EXOC4: variants seen among roughly 807,000 people sequenced by gnomAD.
EXOC4 encodes SEC8-like 1.
A neutral mutation model predicts 107.2 loss-of-function variants in EXOC4; 71 were observed. The observed-to-expected ratio is 0.66, with a 90% confidence interval of 0.55 to 0.81. The LOEUF (loss-of-function observed/expected upper bound fraction) is 0.81. EXOC4 is among the 30% of genes least tolerant of loss of function. The pLI, the probability that EXOC4 is intolerant of heterozygous loss-of-function variation, is 0.00. For synonymous variants in EXOC4, 456 were observed against 441.2 expected, an observed-to-expected ratio of 1.03 and a Z score of -0.42; for missense variants, 1,108 against 1,189.6, an observed-to-expected ratio of 0.93 and a Z score of 1.01.
intron 9 of EXOC4, among the ~76,000 whole-genome samples, chr7:133,600,506 A>G (rs1400040631): frequency 6.6e-6 from 1 of 152,090 alleles, no homozygotes; most frequent in Admixed American, 6.5e-5. Flanking sequence ...ACCTAGGTGC[A>G]GTGTACCCTC....
intron 10 of EXOC4, among the ~76,000 whole-genome samples, chr7:133,730,120 C>G (rs559784424): frequency 6.7e-6 from 1 of 148,566 alleles, no homozygotes; most frequent in Non-Finnish European, 1.5e-5. Context: ...CATTGCTACT[C>G]TTTCTAATAA....
rs1585189121 is a variant in EXOC4, at chr7:133,839,534, C to G, written c.1734+21990C>G. Among the ~76,000 whole-genome samples, 4 of 152,090 alleles carry G rather than the reference C, an allele frequency of 2.6e-5. No individual in the cohort carries two copies. In the South Asian group the frequency reaches 8.3e-4, roughly 32 times the overall value. ...CTCAACAAAGTTGTTTAGCATTTGCCTATTTGCCTACCAGTAATAGGGAAA... is the reference window on the plus strand; with the variant it reads ...CTCAACAAAGTTGTTTAGCATTTGCGTATTTGCCTACCAGTAATAGGGAAA... On this transcript the variant is annotated intron_variant, in intron 11 of 17. Transcript: ENST00000253861.
intron 14 of EXOC4, among the ~76,000 whole-genome samples, chr7:133,956,644 G>A (rs1336287199): frequency 6.6e-6 from 1 of 152,192 alleles, no homozygotes; most frequent in Non-Finnish European, 1.5e-5. Context: ...CTGCTTCAGT[G>A]CACACAGGTC....
intron 10 of EXOC4, among the ~76,000 whole-genome samples, chr7:133,639,132 T>C (rs1324755307): frequency 1.3e-5 from 2 of 152,222 alleles, no homozygotes; most frequent in Non-Finnish European, 2.9e-5. Flanking sequence ...AAAAATAACA[T>C]AGGCATACCT....
At chr7:133,813,426 T>C (rs1211701394) in intron 10 of EXOC4, among the ~76,000 whole-genome samples, 6 of 152,216 alleles carry the variant, frequency 3.9e-5, no homozygotes, top group Non-Finnish European at 8.8e-5. Context: ...TGATTAATTC[T>C]CATAATATTA....
intron 13 of EXOC4, among the ~76,000 whole-genome samples, chr7:133,927,565 T>C (rs1312511312): frequency 1.3e-5 from 2 of 152,218 alleles, no homozygotes; most frequent in East Asian, 1.9e-4. Flanking sequence ...AAAAAGACTT[T>C]AGCTATCTTG....
intron 9 of EXOC4, among the ~76,000 whole-genome samples, chr7:133,597,554 CAAAAAA>C (rs58399632): frequency 5.1e-4 from 49 of 96,084 alleles, no homozygotes; most frequent in Middle Eastern, 0.015. Flanking sequence ...AACTCTGTTT[CAAAAAA>C]AAAAAAAAAA....
intron 11 of EXOC4, among the ~76,000 whole-genome samples, chr7:133,840,529 G>A (rs1798004323): frequency 7.0e-6 from 1 of 141,864 alleles, no homozygotes; most frequent in South Asian, 2.1e-4. Flanking sequence ...TTTTGAGATG[G>A]AGTCTCGCTC....
Position 133,747,859 on chromosome 7 carries a change from A to AAAAACACAACAGTCAGGGAGAATATC in EXOC4, c.1515-69463_1515-69438dup, listed in dbSNP as rs1215390936. On this transcript the variant is annotated intron_variant, in intron 10 of 17. Transcript: ENST00000253861. Reference sequence around the variant, plus strand: ...TTTTAAATCTGTATTATTCAGCAAGAAAAACACAACAGTCAGGGAGAATAT... The same window carrying AAAAACACAACAGTCAGGGAGAATATC: ...TTTTAAATCTGTATTATTCAGCAAGAAAAACACAACAGTCAGGGAGAATATCAAAACACAACAGTCAGGGAGAATAT... Among the ~76,000 whole-genome samples, 8 of 152,302 alleles carry AAAAACACAACAGTCAGGGAGAATATC rather than the reference A, an allele frequency of 5.3e-5. No homozygotes were observed. In the East Asian group the frequency reaches 9.6e-4, roughly 18 times the overall value.
At chr7:133,433,303 G>C (rs1797896304) in intron 7 of EXOC4, among the ~76,000 whole-genome samples, 1 of 152,220 alleles carries the variant, frequency 6.6e-6, no homozygotes, top group African/African-American at 2.4e-5. Flanking sequence ...TCATCCAATT[G>C]CTATTGGACT....
At chr7:134,091,782 T>C in the EXOC4 span, among the ~76,000 whole-genome samples, 1 of 152,162 alleles carries the variant, frequency 6.6e-6, no homozygotes, top group Admixed American at 6.5e-5. Flanking sequence ...TGTTTCTCAG[T>C]TGATAAGCAA....
chr7:133,382,962 A>G (rs950418219), intron 7 of EXOC4, among the ~76,000 whole-genome samples: 1 of 152,218 alleles, frequency 6.6e-6, no homozygotes, highest in Non-Finnish European at 1.5e-5. Context: ...ACGGGGTGTT[A>G]TAGTTTTTCC....
intron 7 of EXOC4, among the ~76,000 whole-genome samples, chr7:133,402,857 C>G (rs1797121645): frequency 1.3e-5 from 2 of 149,680 alleles, no homozygotes; most frequent in South Asian, 4.3e-4. Flanking sequence ...GCATAGACCA[C>G]ACTTTGAGTA....
chr7:133,784,543 G>T (rs1796531078), intron 10 of EXOC4, among the ~76,000 whole-genome samples: 1 of 152,070 alleles, frequency 6.6e-6, no homozygotes, highest in Non-Finnish European at 1.5e-5. Context: ...GCTCCATCAG[G>T]GAGCTGACAG....
At chr7:134,090,570 G>A in the EXOC4 span, among the ~76,000 whole-genome samples, 2 of 152,152 alleles carry the variant, frequency 1.3e-5, no homozygotes, top group Non-Finnish European at 1.5e-5. Flanking sequence ...CATAGAGAGA[G>A]ACAGAGAGAA....
At chr7:134,017,575 C>T (rs755283203) in intron 17 of EXOC4, among the ~76,000 whole-genome samples, 8 of 152,098 alleles carry the variant, frequency 5.3e-5, no homozygotes, top group African/African-American at 9.7e-5. Context: ...CTGACCATGC[C>T]GCTTTTTTCT....
intron 9 of EXOC4, among the ~76,000 whole-genome samples, chr7:133,556,825 A>G (rs1800700217): frequency 6.6e-6 from 1 of 152,130 alleles, no homozygotes; most frequent in South Asian, 2.1e-4. Flanking sequence ...TCTTCGGGGA[A>G]TCTGTACTTA....
At chr7:133,742,382 T>TA (rs1234515343) in intron 10 of EXOC4, among the ~76,000 whole-genome samples, 1 of 152,214 alleles carries the variant, frequency 6.6e-6, no homozygotes, top group African/African-American at 2.4e-5. Flanking sequence ...TGCAACATGA[T>TA]ACCCTGGTTT....
At chr7:133,640,955 T>C in intron 10 of EXOC4, among the ~76,000 whole-genome samples, 1 of 152,048 alleles carries the variant, frequency 6.6e-6, no homozygotes, top group East Asian at 1.9e-4. Flanking sequence ...AATAGCACAC[T>C]GCAGAATGCC....
Sources: allele counts gnomAD v4.1 joint callset (sites outside exome capture counted in the v4.1 genomes callset), GRCh38; gene constraint gnomAD v4.1.1; transcripts MANE v1.5; gene names NCBI Gene and HGNC (gene_info 2026-07-23, HGNC 2026-07-21).